Variants in PTK2 observed in about 807,000 individuals in gnomAD.
The protein encoded by PTK2 is focal adhesion kinase 1.
Under a neutral mutation model 150.1 loss-of-function variants are expected in PTK2, and 45 were observed. The ratio of observed to expected loss-of-function variants is 0.30; its 90% confidence interval spans 0.24 to 0.38. The LOEUF (loss-of-function observed/expected upper bound fraction) is 0.38, where lower values mean the gene tolerates loss of function less well. PTK2 is among the 10% of genes least tolerant of loss of function. The pLI is 1.00. For missense variants in PTK2, 919 were observed against 1,307.3 expected (o/e 0.70, Z 4.58); for synonymous variants, 432 against 449.2 (o/e 0.96, Z 0.48).
intron 22 of PTK2, among the ~76,000 whole-genome samples, chr8:140,727,188 T>C (rs2100046362): frequency 6.6e-6 from 1 of 152,192 alleles, no homozygotes. Flanking sequence ...TTTGGCAAAT[T>C]GTGCAAAGAC....
In PTK2 at chr8:140,985,177, G is replaced by T. The variant is rs944407847; in HGVS notation, c.-122+15948C>A. Among the ~76,000 whole-genome samples, 3 of 151,962 alleles carry T rather than the reference G, an allele frequency of 2.0e-5. No individual in the cohort carries two copies. The East Asian group carries it at 5.8e-4, about 29-fold the overall frequency. ...TTCAGTCTGTCACTCAGGCTAGAGT[G>T]CAGTGGCATGATCATAACTCACTGC... On this transcript the variant is annotated intron_variant, in intron 1 of 31. Coordinates refer to ENST00000522684, the Ensembl canonical transcript of PTK2.
intron 1 of PTK2, among the ~76,000 whole-genome samples, chr8:140,980,668 G>T (rs1385022806): frequency 6.6e-6 from 1 of 150,928 alleles, no homozygotes; most frequent in Non-Finnish European, 1.5e-5. Flanking sequence ...AAAACACGAA[G>T]AAATGGCAAA....
chr8:140,824,654 A>G (rs1170099198), intron 8 of PTK2, among the ~76,000 whole-genome samples: 1 of 152,204 alleles, frequency 6.6e-6, no homozygotes, highest in Non-Finnish European at 1.5e-5. Context: ...TTTTTACGAA[A>G]AGGATATCTT....
At chr8:140,921,151 T>C (rs996565758) in intron 2 of PTK2, 30 of 1,229,586 alleles carry the variant, frequency 2.4e-5, no homozygotes, top group Middle Eastern at 6.2e-4. Flanking sequence ...CAGACCATCC[T>C]GGCTAGATCA....
chr8:140,661,802 T>A (rs1242486399), intron 31 of PTK2, among the ~76,000 whole-genome samples: 1 of 152,028 alleles, frequency 6.6e-6, no homozygotes, highest in Non-Finnish European at 1.5e-5. Flanking sequence ...TTAGGAGACC[T>A]TGAAGGGCTG....
chr8:140,752,898 A>C (rs1002192598), intron 16 of PTK2, among the ~76,000 whole-genome samples: 1 of 152,232 alleles, frequency 6.6e-6, no homozygotes, highest in African/African-American at 2.4e-5. Flanking sequence ...CAAGCCAGTG[A>C]GGCTGGCACA....
At chr8:140,777,218 C>T (rs1215029184) in intron 14 of PTK2, among the ~76,000 whole-genome samples, 1 of 152,214 alleles carries the variant, frequency 6.6e-6, no homozygotes, top group Non-Finnish European at 1.5e-5. Context: ...AATTGGTTCA[C>T]AGTTCTGCCA....
rs116535336 is a variant in PTK2, at chr8:140,735,792, C to T, written c.1826-337G>A. ...GTTCAAAAAATGCTGAATTTTAATCCGCCCCACTTTGGTCTCATCTATTTA... is the reference window on the plus strand; with the variant it reads ...GTTCAAAAAATGCTGAATTTTAATCTGCCCCACTTTGGTCTCATCTATTTA... On this transcript the variant is annotated intron_variant, in intron 21 of 31. Coordinates refer to ENST00000522684, the Ensembl canonical transcript of PTK2. Among the ~76,000 whole-genome samples, 693 of 152,214 alleles carry T rather than the reference C, an allele frequency of 4.6e-3. 4 individuals carry two copies. Among genetic ancestry groups the T allele is most frequent in the African/African-American group, 0.016 (654 of 41,520 alleles).
At chr8:140,699,148 T>C (rs2100028699) in intron 26 of PTK2, among the ~76,000 whole-genome samples, 1 of 152,262 alleles carries the variant, frequency 6.6e-6, no homozygotes, top group African/African-American at 2.4e-5. Flanking sequence ...AGTTTTATCC[T>C]ATGCTTTCGA....
At position 140,789,457 on chromosome 8, in the gene PTK2, T is replaced by C; in HGVS notation, c.1177+17A>G. 1 of 1,611,436 alleles carries C rather than the reference T, an allele frequency of 6.2e-7. No individual in the cohort carries two copies. The highest frequency in any genetic ancestry group is 1.1e-5 in the South Asian group (1 of 90,642). ...CATGAGAGTGCTTTTCGAGGTCTGC[T>C]ACCTAGAGCCCCTTACCTGACACAG... On this transcript the variant is annotated intron_variant, in intron 14 of 31. Transcript: ENST00000522684.
At chr8:140,968,487 G>A (rs767808592) in intron 1 of PTK2, among the ~76,000 whole-genome samples, 2 of 152,224 alleles carry the variant, frequency 1.3e-5, no homozygotes, top group South Asian at 4.1e-4. Flanking sequence ...CTACTAAACA[G>A]AAGAGAAAAA....
At chr8:140,662,651 G>A in intron 31 of PTK2, 1 of 546,018 alleles carries the variant, frequency 1.8e-6, no homozygotes, top group Non-Finnish European at 3.5e-6. Flanking sequence ...CACTTACAAA[G>A]GAATCACCAA....
At chr8:140,682,606 T>C (rs756924130) in intron 27 of PTK2, among the ~76,000 whole-genome samples, 8 of 150,784 alleles carry the variant, frequency 5.3e-5, no homozygotes, top group East Asian at 1.9e-4. Flanking sequence ...AACCACACAA[T>C]TGGCTATAAA....
chr8:140,789,681 C>T lies in PTK2; in HGVS notation c.1125-155G>A, dbSNP rs369649937. ...GGATTCTACTATTAAAATAGCCAGG[C>T]TGCTTTAATGCTTTAAAGATCACAA... On this transcript the variant is annotated intron_variant, in intron 13 of 31. Transcript: ENST00000522684. 6.4e-4 allele frequency among the ~76,000 whole-genome samples: 98 copies of T among 152,242 alleles called. 1 individual carries two copies. In the South Asian group the frequency reaches 0.02, roughly 31 times the overall value.
At chr8:140,795,848 A>G (rs921683721) in intron 12 of PTK2, among the ~76,000 whole-genome samples, 1 of 152,216 alleles carries the variant, frequency 6.6e-6, no homozygotes, top group African/African-American at 2.4e-5. Flanking sequence ...CCCTGAACAT[A>G]CCACACATGC....
intron 26 of PTK2, among the ~76,000 whole-genome samples, chr8:140,696,503 C>G (rs923389142): frequency 6.6e-6 from 1 of 152,098 alleles, no homozygotes; most frequent in Non-Finnish European, 1.5e-5. Context: ...CTAAGAACTC[C>G]TACTATTCAT....
At chr8:140,829,870 C>G (rs2100114271) in intron 8 of PTK2, among the ~76,000 whole-genome samples, 1 of 152,082 alleles carries the variant, frequency 6.6e-6, no homozygotes. Flanking sequence ...AAGTTTGTAT[C>G]CCCTGCTGCG....
intron 1 of PTK2, chr8:140,984,078 C>G (rs529723947): frequency 6.4e-6 from 1 of 156,450 alleles, no homozygotes; most frequent in East Asian, 1.9e-4. Context: ...TTGCTTGAAC[C>G]TGGGAGGCAG....
chr8:140,902,238 T>C (rs1433979646), intron 2 of PTK2, among the ~76,000 whole-genome samples: 2 of 152,196 alleles, frequency 1.3e-5, no homozygotes, highest in Non-Finnish European at 2.9e-5. Context: ...TTTGCCATGT[T>C]GGCCAGGGCT....
Sources: gnomAD v4.1 joint callset for allele counts (sites outside exome capture counted in the v4.1 genomes callset) on GRCh38, gnomAD v4.1.1 for gene constraint, MANE v1.5 for transcripts, NCBI Gene and HGNC (gene_info 2026-07-23, HGNC 2026-07-21) for gene names.